SPART: variants seen among roughly 807,000 people sequenced by gnomAD.
SPART encodes the protein spastic paraplegia 20 (Troyer syndrome).
In SPART, 35 loss-of-function variants were observed where a neutral mutation model predicts 58.7. That is an observed-to-expected ratio of 0.60 (90% CI 0.46 to 0.79). SPART has a LOEUF of 0.79. SPART is among the 30% of genes least tolerant of loss of function. The pLI, the probability that SPART is intolerant of heterozygous loss-of-function variation, is 0.00. For synonymous variants in SPART, 284 were observed against 280.7 expected, an observed-to-expected ratio of 1.01 and a Z score of -0.12; for missense variants, 730 against 786.1, an observed-to-expected ratio of 0.93 and a Z score of 0.85.
chr13:36,312,599 T>TACATATC, intron 6 of SPART, 122 bp from the exon 7 acceptor site: 7 of 1,124,022 alleles, frequency 6.2e-6, no homozygotes, highest in Non-Finnish European at 9.0e-6. Context: ...TGTTACAATT[T>TACATATC]CTTCTTAAGG....
Position 36,303,701 on chromosome 13 carries a change from T to C in SPART, c.*664A>G, listed in dbSNP as rs1234532645. On this transcript the variant is annotated 3_prime_UTR_variant, in exon 9 of 9. Transcript: ENST00000438666. Reference sequence around the variant, plus strand: ...CCCAAATTTCCTAGGCTCATAACAATACAGTCTCAATACAAAAGACGTAAT... The same window carrying C: ...CCCAAATTTCCTAGGCTCATAACAACACAGTCTCAATACAAAAGACGTAAT... 2.0e-5 allele frequency: 3 copies of C among 152,776 alleles called. No individual in the cohort carries two copies. Among genetic ancestry groups the C allele is most frequent in the Non-Finnish European group, 2.9e-5 (2 of 68,196 alleles). The allele number at this position is 152,776 out of a possible 1,614,324, so 9.5% of individuals were successfully genotyped here. A position where few individuals can be genotyped will look rare whatever the true frequency, so the allele number is the denominator to read the frequency against.
intron 1 of SPART, among the ~76,000 whole-genome samples, chr13:36,352,786 C>CAAAAAAA (rs34599910): frequency 2.6e-5 from 3 of 113,380 alleles, no homozygotes; most frequent in African/African-American, 1.1e-4. Context: ...ATCCCGTTTC[C>CAAAAAAA]AAAAAAAAAA....
At chr13:36,350,283 C>A (rs1885360246), upstream of SPART, among the ~76,000 whole-genome samples, 1 of 152,126 alleles carries the variant, frequency 6.6e-6, no homozygotes, top group African/African-American at 2.4e-5. Context: ...GTAAGTTATG[C>A]CGGTGAACAC....
At position 36,312,355 on chromosome 13, in the gene SPART, C is replaced by T; in HGVS notation, c.1606G>A (p.Asp536Asn). The change falls in exon 7 of 9, where the codon GAT becomes AAT. Residue 536 changes from aspartate (D) to asparagine (N), a missense_variant. Asp to Asn is a conservative substitution (Grantham distance 23). Coordinates refer to ENST00000438666, the MANE Select transcript of SPART (RefSeq NM_015087.5). ...KKDKDGKSPLDGAMVVAASSV... is the reference protein window; with the variant it reads ...KKDKDGKSPLNGAMVVAASSV... ...CTTGCTGCTACAACCATAGCACCAT[C>T]CAGAGGAGATTTCCCATCTTTGTCT... 1 of 1,614,120 alleles carries T rather than the reference C, an allele frequency of 6.2e-7. No individual in the cohort carries two copies. The highest frequency in any genetic ancestry group is 8.5e-7 in the Non-Finnish European group (1 of 1,179,998).
chr13:36,349,539 A>G (rs560212436), upstream of SPART, among the ~76,000 whole-genome samples: 20 of 152,336 alleles, frequency 1.3e-4, no homozygotes, highest in African/African-American at 4.6e-4. Flanking sequence ...GAACAGGGCC[A>G]GAAGCTCATC....
At chr13:36,340,288 G>A (rs957661163) in intron 1 of SPART, among the ~76,000 whole-genome samples, 1 of 150,070 alleles carries the variant, frequency 6.7e-6, no homozygotes, top group Non-Finnish European at 1.5e-5. Flanking sequence ...GCTTGAACCC[G>A]GGAGGCGGAC....
At chr13:36,342,019 G>A (rs1410560676) in intron 1 of SPART, among the ~76,000 whole-genome samples, 6 of 152,150 alleles carry the variant, frequency 3.9e-5, no homozygotes, top group Admixed American at 3.9e-4. Flanking sequence ...AGACAGCAGA[G>A]GTTAAATAGG....
chr13:36,327,971 G>A lies in SPART; in HGVS notation c.1165-1273C>T, dbSNP rs1368422971. The stretch of plus-strand genomic sequence containing the variant: ...ATCGCACCACTGCACTCCAGCCTGG[G>A]CGACAGAGTGAGACTCCATCTGCAG... On this transcript the variant is annotated intron_variant, in intron 4 of 8. Transcript: ENST00000438666. Among the ~76,000 whole-genome samples, 7 of 152,144 alleles carry A rather than the reference G, an allele frequency of 4.6e-5. No homozygotes were observed. The East Asian group carries it at 9.6e-4, about 21-fold the overall frequency.
rs1176244485 is a variant in SPART, at chr13:36,331,529, T to C, written c.878A>G (p.Tyr293Cys). Residue 293 changes from tyrosine to cysteine, a missense_variant, in exon 3 of 9, where the codon TAC becomes TGC. Transcript: ENST00000438666. Reference sequence around the variant, plus strand: ...TTGTAGCATTGTATCAGGAAACATGTAGGCTCCCGCAGTACATTTCAGAAC... The same window carrying C: ...TTGTAGCATTGTATCAGGAAACATGCAGGCTCCCGCAGTACATTTCAGAAC... ...SPVLKCTAGA[Y>C]MFPDTMLQAA... 3.1e-6 allele frequency: 5 copies of C among 1,614,034 alleles called. No homozygotes were observed. The South Asian group carries it at 3.3e-5, about 11-fold the overall frequency.
chr13:36,335,342 T>A lies in SPART; in HGVS notation c.489A>T (p.Ser163=), dbSNP rs753980760. ...VAAPASLSLP[S]QSCPAEAPPA... ...GAGGAGCTTCTGCTGGACAACTTTGTGATGGTAAAGACAGAGAAGCAGGTG... is the reference window on the plus strand; with the variant it reads ...GAGGAGCTTCTGCTGGACAACTTTGAGATGGTAAAGACAGAGAAGCAGGTG... Residue 163 remains serine (S), a synonymous_variant, in exon 2 of 9, where the codon TCA becomes TCT. Transcript: ENST00000438666. The A allele has an allele frequency of 6.2e-7, 1 of 1,614,046 alleles. No homozygotes were observed. Among genetic ancestry groups the A allele is most frequent in the Non-Finnish European group, 8.5e-7 (1 of 1,179,972 alleles).
intron 5 of SPART, among the ~76,000 whole-genome samples, chr13:36,324,669 G>C (rs1318603351): frequency 2.6e-5 from 4 of 152,068 alleles, no homozygotes; most frequent in Admixed American, 6.6e-5. Flanking sequence ...GAACAAACTT[G>C]TAACAGTATT....
At chr13:36,317,668 C>G (rs1021108856) in intron 5 of SPART, among the ~76,000 whole-genome samples, 6 of 151,984 alleles carry the variant, frequency 3.9e-5, no homozygotes, top group African/African-American at 1.5e-4. Context: ...TCTCTGCTCT[C>G]TCTTTTCTCT....
In SPART at chr13:36,301,833, G is replaced by C. The variant is rs1029723347; in HGVS notation, c.*2532C>G. The C allele has an allele frequency of 6.6e-6, 1 of 152,146 alleles. No individual in the cohort carries two copies. Among genetic ancestry groups the C allele is most frequent in the Non-Finnish European group, 1.5e-5 (1 of 68,028 alleles). The allele number at this position is 152,146 out of a possible 1,614,324, so 9.4% of individuals were successfully genotyped here. ...ACCAGGGGACAGTCAAGGATGTTTT[G>C]AGTGTACTGTTTCTACCAACAAAAA... is the stretch of plus-strand genomic sequence containing the variant. On this transcript the variant is annotated 3_prime_UTR_variant, in exon 9 of 9. Transcript: ENST00000438666.
Position 36,335,430 on chromosome 13 carries a change from G to C in SPART, c.401C>G (p.Ser134Ter). Residue 134 changes from serine to a stop codon, truncating the protein, a stop_gained, in exon 2 of 9, where the codon TCA becomes TGA. Transcript: ENST00000438666. LOFTEE classifies it high-confidence loss of function. ...ATTTACTTCAGCATGCTGAGGAGCT[G>C]AACTAAAAGACTGAGGCTCTGGTAA... ...EKLPEPQSFSSAPQHAEVNGN... is the reference protein window; with the variant it reads ...EKLPEPQSFS The C allele has an allele frequency of 6.2e-7, 1 of 1,614,086 alleles. No individual in the cohort carries two copies. The highest frequency in any genetic ancestry group is 8.5e-7 in the Non-Finnish European group (1 of 1,180,014).
In SPART at chr13:36,326,660, G is replaced by A. The variant is rs1385388981; in HGVS notation, c.1203C>T (p.His401=). The part of the protein sequence containing the change: ...DTSSEEVNLS[H]IVPCEPVPEE... ...CTGGAACTGGCTCACATGGTACAAT[G>A]TGACTCAGGTTAACTTCTTCACTTG... Residue 401 remains histidine, a synonymous_variant, in exon 5 of 9, where the codon CAC becomes CAT. Transcript: ENST00000438666. 5 of 1,613,154 alleles carry A rather than the reference G, an allele frequency of 3.1e-6. No individual in the cohort carries two copies. The highest frequency in any genetic ancestry group is 1.7e-4 in the Middle Eastern group (1 of 5,780).
chr13:36,338,883 C>A (rs1884282800), intron 1 of SPART, among the ~76,000 whole-genome samples: 1 of 151,980 alleles, frequency 6.6e-6, no homozygotes, highest in South Asian at 2.1e-4. Context: ...GGAAAACTGT[C>A]CAAGCAATTC....
intron 8 of SPART, among the ~76,000 whole-genome samples, chr13:36,305,579 T>C (rs965893836): frequency 6.6e-6 from 1 of 152,178 alleles, no homozygotes; most frequent in Admixed American, 6.5e-5. Flanking sequence ...TTTTTGAGCA[T>C]CAAATGCATA....
rs1300213962 is a variant in SPART, at chr13:36,304,601, G to A, written c.1765C>T (p.His589Tyr). 1.2e-6 allele frequency: 2 copies of A among 1,614,022 alleles called. No homozygotes were observed. Residue 589 changes from histidine (H) to tyrosine (Y), a missense_variant, in exon 9 of 9, where the codon CAT becomes TAT. Transcript: ENST00000438666. ...YGYNAGEATH[H>Y]AVDSAVNVGV... is the part of the protein sequence containing the mutation. ...ACATTGACCGCAGAATCCACCGCAT[G>A]GTGGGTAGCTTCTCCTGCATTATAT...
intron 5 of SPART, among the ~76,000 whole-genome samples, chr13:36,319,372 G>C (rs1882114319): frequency 6.9e-6 from 1 of 145,596 alleles, no homozygotes; most frequent in Non-Finnish European, 1.5e-5. Flanking sequence ...CTTGGCAACC[G>C]ATCATGCACC....
Sources: allele counts gnomAD v4.1 joint callset (sites outside exome capture counted in the v4.1 genomes callset), GRCh38; gene constraint gnomAD v4.1.1; transcripts MANE v1.5; gene names NCBI Gene and HGNC (gene_info 2026-07-23, HGNC 2026-07-21).